Variants in LPP observed in about 807,000 individuals in gnomAD.
LPP encodes LIM domain containing preferred translocation partner in lipoma.
A neutral mutation model predicts 60.4 loss-of-function variants in LPP; 38 were observed. The observed-to-expected ratio is 0.63, with a 90% CI of 0.49 to 0.83. The LOEUF (loss-of-function observed/expected upper bound fraction) is 0.83. Among genes scored for constraint, LPP ranks in the 40% least tolerant of loss-of-function variants. The pLI, the probability that LPP is intolerant of heterozygous loss-of-function variation, is 0.00. For missense variants in LPP, 902 were observed against 783.6 expected, an observed-to-expected ratio of 1.15 and a Z score of -1.80; for synonymous variants, 328 against 290.8, an observed-to-expected ratio of 1.13 and a Z score of -1.30.
At chr3:188,281,088 A>G (rs1183592536) in intron 2 of LPP, among the ~76,000 whole-genome samples, 1 of 151,980 alleles carries the variant, frequency 6.6e-6, no homozygotes, top group Non-Finnish European at 1.5e-5. Flanking sequence ...GCGACAAAGG[A>G]ATTTTTGAAG....
chr3:188,422,126 C>T (rs896376589), intron 4 of LPP, among the ~76,000 whole-genome samples: 4 of 152,152 alleles, frequency 2.6e-5, no homozygotes, highest in South Asian at 2.1e-4. Flanking sequence ...TTCTCTTCCC[C>T]ATTTACCTTT....
At chr3:188,571,462 G>A (rs923896862) in intron 6 of LPP, among the ~76,000 whole-genome samples, 3 of 150,720 alleles carry the variant, frequency 2.0e-5, no homozygotes, top group Non-Finnish European at 4.4e-5. Flanking sequence ...CTTTCTACTT[G>A]TTTCAAAAAT....
chr3:188,537,330 A>G (rs1275081357), intron 6 of LPP, among the ~76,000 whole-genome samples: 1 of 152,006 alleles, frequency 6.6e-6, no homozygotes, highest in East Asian at 1.9e-4. Flanking sequence ...TGATCGTATC[A>G]CATGGGCAAA....
intron 7 of LPP, among the ~76,000 whole-genome samples, chr3:188,681,558 G>A (rs564978229): frequency 2.2e-4 from 33 of 152,094 alleles, no homozygotes; most frequent in African/African-American, 5.8e-4. Context: ...TGCTTCCTGC[G>A]GACAGGATAT....
intron 1 of LPP, among the ~76,000 whole-genome samples, chr3:188,156,795 C>G (rs1577028034): frequency 6.6e-6 from 1 of 151,950 alleles, no homozygotes; most frequent in Admixed American, 6.6e-5. Context: ...CGAGATTGCA[C>G]CATTGCACTC....
chr3:188,233,706 T>C (rs1389517698), intron 2 of LPP, among the ~76,000 whole-genome samples: 1 of 152,172 alleles, frequency 6.6e-6, no homozygotes, highest in African/African-American at 2.4e-5. Context: ...AGAATGGAGA[T>C]ATATTCTTTA....
intron 2 of LPP, among the ~76,000 whole-genome samples, chr3:188,248,468 TTATATATATATA>T (rs55811112): frequency 0.015 from 1,225 of 84,152 alleles, 81 homozygotes; most frequent in Middle Eastern, 0.066. Context: ...CAGTATAACT[TTATATATATATA>T]TATATATATA....
At chr3:188,825,247 TTCTC>T (rs61381257) in intron 9 of LPP, among the ~76,000 whole-genome samples, 2,471 of 118,440 alleles carry the variant, frequency 0.021, 95 homozygotes, top group African/African-American at 0.076. Context: ...CAGCCTTTCT[TTCTC>T]TCTCTCTCTC....
At chr3:188,667,221 G>C (rs745642867) in intron 7 of LPP, among the ~76,000 whole-genome samples, 13 of 152,184 alleles carry the variant, frequency 8.5e-5, no homozygotes, top group Non-Finnish European at 1.8e-4. Context: ...GCTCACGCCT[G>C]TAATCCCAGC....
chr3:188,474,659 C>T (rs1401945693), intron 4 of LPP, among the ~76,000 whole-genome samples: 1 of 152,200 alleles, frequency 6.6e-6, no homozygotes, highest in Non-Finnish European at 1.5e-5. Flanking sequence ...TTTGTTTTTA[C>T]TGGTAAATTA....
intron 6 of LPP, among the ~76,000 whole-genome samples, chr3:188,543,888 AG>A (rs1825860684): frequency 6.6e-6 from 1 of 152,138 alleles, no homozygotes; most frequent in Admixed American, 6.6e-5. Flanking sequence ...CACAAAAGAG[AG>A]TGAGGTTAGA....
At chr3:188,580,217 T>TAAACAA (rs1383793928) in intron 6 of LPP, among the ~76,000 whole-genome samples, 8 of 152,142 alleles carry the variant, frequency 5.3e-5, no homozygotes, top group Admixed American at 2.0e-4. Context: ...AATTAAGTAT[T>TAAACAA]TTCTCAATAG....
At chr3:188,355,526 T>C (rs192724589) in intron 3 of LPP, among the ~76,000 whole-genome samples, 3 of 152,240 alleles carry the variant, frequency 2.0e-5, no homozygotes, top group African/African-American at 7.2e-5. Context: ...AGCAGTAAAA[T>C]AGCCTGTTTA....
intron 7 of LPP, among the ~76,000 whole-genome samples, chr3:188,678,866 T>C (rs867839039): frequency 6.6e-5 from 10 of 152,170 alleles, no homozygotes; most frequent in South Asian, 2.1e-4. Flanking sequence ...AAAGTTAGAT[T>C]ATAAGTCTGC....
chr3:188,363,546 A>G (rs13060078), intron 3 of LPP, among the ~76,000 whole-genome samples: 30,154 of 152,048 alleles, frequency 0.2, 3,239 homozygotes, highest in East Asian at 0.41. Context: ...ACATTTTCCT[A>G]GGTGTATGGG....
chr3:188,250,372 G>A (rs190176515), intron 2 of LPP, among the ~76,000 whole-genome samples: 1 of 152,262 alleles, frequency 6.6e-6, no homozygotes, highest in African/African-American at 2.4e-5. Flanking sequence ...GTCCCTCTCA[G>A]GGATCACATC....
At chr3:188,358,177 G>A (rs1036955484) in intron 3 of LPP, among the ~76,000 whole-genome samples, 1 of 152,134 alleles carries the variant, frequency 6.6e-6, no homozygotes, top group African/African-American at 2.4e-5. Flanking sequence ...ATTTCACAGA[G>A]GAAGAATTGA....
chr3:188,402,738 T>C (rs987586614), intron 3 of LPP, among the ~76,000 whole-genome samples: 2 of 152,238 alleles, frequency 1.3e-5, no homozygotes, highest in African/African-American at 4.8e-5. Flanking sequence ...GTGAGACTAG[T>C]TGGAGTTTCC....
intron 7 of LPP, among the ~76,000 whole-genome samples, chr3:188,619,413 G>C (rs1845422227): frequency 6.6e-6 from 1 of 152,196 alleles, no homozygotes; most frequent in African/African-American, 2.4e-5. Context: ...AACTGAGGCT[G>C]GTGGTCTCTG....
Sources: gnomAD v4.1 joint callset for allele counts (sites outside exome capture counted in the v4.1 genomes callset) on GRCh38, gnomAD v4.1.1 for gene constraint, MANE v1.5 for transcripts, NCBI Gene and HGNC (gene_info 2026-07-23, HGNC 2026-07-21) for gene names.